CPA4: variants seen among roughly 807,000 people sequenced by gnomAD.
The protein encoded by CPA4 is carboxypeptidase A4, also known as carboxypeptidase A3.
CPA4 carries 49 observed loss-of-function variants against 54.7 expected under a neutral mutation model. The ratio of observed to expected loss-of-function variants is 0.90; its 90% CI spans 0.71 to 1.14. The LOEUF (loss-of-function observed/expected upper bound fraction) is 1.14. CPA4 is among the 50% of genes most tolerant of loss of function. The pLI is 0.00. For synonymous variants in CPA4, 215 were observed against 206.8 expected (o/e 1.04, Z -0.34); for missense variants, 487 against 525.1 (o/e 0.93, Z 0.71).
chr7:130,311,313 A>T (rs1793909573), intron 9 of CPA4, among the ~76,000 whole-genome samples: 1 of 151,974 alleles, frequency 6.6e-6, no homozygotes. Flanking sequence ...AGGGGGAGAG[A>T]TCCTCACTCT....
chr7:130,295,101 A>G (rs1400042349), intron 1 of CPA4, among the ~76,000 whole-genome samples: 1 of 152,250 alleles, frequency 6.6e-6, no homozygotes, highest in Non-Finnish European at 1.5e-5. Context: ...AACCAGTTGC[A>G]GAGCTGGTTA....
At chr7:130,320,062 A>G (rs117323943) in intron 10 of CPA4, among the ~76,000 whole-genome samples, 7,712 of 152,138 alleles carry the variant, frequency 0.051, 273 homozygotes, top group Middle Eastern at 0.082. Flanking sequence ...TCACTTTCTG[A>G]GCCCCAACCC....
chr7:130,306,155 G>C (rs1405051259), intron 6 of CPA4: 1 of 556,458 alleles, frequency 1.8e-6, no homozygotes, highest in Non-Finnish European at 3.2e-6. Flanking sequence ...AGGTGGGCCT[G>C]AGCCTCTGAG....
At chr7:130,308,173 G>C in intron 7 of CPA4, 134 bp from the exon 8 acceptor site, 1 of 725,888 alleles carries the variant, frequency 1.4e-6, no homozygotes, top group Non-Finnish European at 2.5e-6. Flanking sequence ...TGCTCAATGA[G>C]GACTAGGAGC....
At chr7:130,304,443 T>A in intron 4 of CPA4, 35 bp from the exon 5 acceptor site, 3 of 1,275,806 alleles carry the variant, frequency 2.4e-6, no homozygotes, top group Non-Finnish European at 3.4e-6. Context: ...AGCAGATTTT[T>A]AAAATGTCCC....
rs902268087 is a variant in CPA4, at chr7:130,310,710, C to T, written c.794-77C>T. ...TGCCCATTCCCAATACCTTCGGCCCCTCTCTAGGTGGAGCGTCTTGCATTT... is the reference window on the plus strand; with the variant it reads ...TGCCCATTCCCAATACCTTCGGCCCTTCTCTAGGTGGAGCGTCTTGCATTT... On this transcript the variant is annotated intron_variant, in intron 8 of 10. Coordinates refer to ENST00000222482, the MANE Select transcript of CPA4 (RefSeq NM_016352.4). The surrounding 1 kb of genome is among the most constrained non-coding windows in gnomAD (Gnocchi z 4.3). 4 of 1,408,584 alleles carry T rather than the reference C, an allele frequency of 2.8e-6. No homozygotes were observed. Among genetic ancestry groups the T allele is most frequent in the Admixed American group, 1.7e-5 (1 of 57,958 alleles). 87.3% of individuals were successfully genotyped at this position (1,408,584 alleles called of 1,614,324 possible).
chr7:130,323,820 C>T lies in CPA4; in HGVS notation c.*1144C>T, dbSNP rs967745901. ...ATCTTACAGGTCCTAAATCACTCAT[C>T]TGGCCTGGATAATCTCACTGCCCTG... On this transcript the variant is annotated 3_prime_UTR_variant, in exon 11 of 11. Transcript: ENST00000222482. 1.3e-5 allele frequency: 2 copies of T among 152,378 alleles called. No homozygotes were observed. The highest frequency in any genetic ancestry group is 4.8e-5 in the African/African-American group (2 of 41,410). 9.4% of individuals were successfully genotyped at this position (152,378 alleles called of 1,614,324 possible).
intron 10 of CPA4, 57 bp downstream of exon 10, chr7:130,312,179 A>G (rs1468572697): frequency 1.6e-6 from 2 of 1,272,976 alleles, no homozygotes; most frequent in African/African-American, 2.9e-5. Flanking sequence ...GAAACTTGAA[A>G]TGGAGTGGGA....
intron 7 of CPA4, 69 bp from the exon 8 acceptor site, chr7:130,308,238 C>T: frequency 7.3e-7 from 1 of 1,361,448 alleles, no homozygotes; most frequent in Non-Finnish European, 1.1e-6. Flanking sequence ...CGTGTCATCT[C>T]CACCCTAGCC....
intron 9 of CPA4, among the ~76,000 whole-genome samples, 179 bp from the exon 10 acceptor site, chr7:130,311,859 A>T (rs1334782202): frequency 6.6e-6 from 1 of 152,142 alleles, no homozygotes; most frequent in African/African-American, 2.4e-5. Flanking sequence ...AGTTGAAGGA[A>T]CCATGCCACC....
chr7:130,304,131 G>T (rs181852725), intron 4 of CPA4, among the ~76,000 whole-genome samples: 275 of 152,254 alleles, frequency 1.8e-3, no homozygotes, highest in African/African-American at 6.2e-3. Flanking sequence ...CTCCCAGATT[G>T]CTGGGATCAC....
At chr7:130,305,401 C>T (rs922674605) in intron 5 of CPA4, among the ~76,000 whole-genome samples, 13 of 152,208 alleles carry the variant, frequency 8.5e-5, no homozygotes, top group African/African-American at 3.1e-4. Flanking sequence ...AGAGCTATAG[C>T]GAGCCCCCCT....
At chr7:130,313,820 C>T (rs991860313) in intron 10 of CPA4, among the ~76,000 whole-genome samples, 1 of 152,082 alleles carries the variant, frequency 6.6e-6, no homozygotes, top group Non-Finnish European at 1.5e-5. Flanking sequence ...GTGTTGGTGC[C>T]ACACCAAAAG....
chr7:130,300,367 C>T (rs1306071060), intron 3 of CPA4, among the ~76,000 whole-genome samples: 1 of 137,488 alleles, frequency 7.3e-6, no homozygotes, highest in South Asian at 2.3e-4. Context: ...GATGGAGTCT[C>T]TCTCTTTCGC....
At chr7:130,311,958 A>G (rs1793922205) in intron 9 of CPA4, 80 bp from the exon 10 acceptor site, 1 of 1,069,280 alleles carries the variant, frequency 9.4e-7, no homozygotes, top group Admixed American at 1.8e-5. Flanking sequence ...AATCTTCCAA[A>G]CCATCCCAGA....
chr7:130,293,983 T>C (rs1212614221), intron 1 of CPA4, among the ~76,000 whole-genome samples: 1 of 152,158 alleles, frequency 6.6e-6, no homozygotes, highest in African/African-American at 2.4e-5. Flanking sequence ...GTAGGAGAGA[T>C]AAAAGGGATA....
At chr7:130,298,960 A>T in intron 2 of CPA4, 133 bp downstream of exon 2, 1 of 656,018 alleles carries the variant, frequency 1.5e-6, no homozygotes, top group South Asian at 1.9e-5. Flanking sequence ...CTTGCCATTT[A>T]TACAATTGAG....
At chr7:130,301,955 AG>A (rs1323173743) in intron 4 of CPA4, among the ~76,000 whole-genome samples, 2 of 152,196 alleles carry the variant, frequency 1.3e-5, no homozygotes, top group African/African-American at 4.8e-5. Flanking sequence ...GGCCCTCGCC[AG>A]CTGAGCTAAC....
chr7:130,297,509 C>T (rs1793669232), intron 1 of CPA4, among the ~76,000 whole-genome samples: 1 of 152,172 alleles, frequency 6.6e-6, no homozygotes, highest in Non-Finnish European at 1.5e-5. Context: ...TCAGCACTGT[C>T]ATCTCCTCCA....
Sources: allele counts gnomAD v4.1 joint callset (sites outside exome capture counted in the v4.1 genomes callset), GRCh38; gene constraint gnomAD v4.1.1; non-coding constraint Gnocchi (gnomAD v3.1); transcripts MANE v1.5; gene names NCBI Gene and HGNC (gene_info 2026-07-23, HGNC 2026-07-21).